GMDS: variants seen among roughly 807,000 people sequenced by gnomAD.
GMDS encodes GDP-mannose 4,6-dehydratase.
A neutral mutation model predicts 49.9 loss-of-function variants in GMDS; 20 were observed. The ratio of observed to expected loss-of-function variants is 0.40; its 90% CI spans 0.28 to 0.58. The LOEUF is 0.58. GMDS is among the 20% of genes least tolerant of loss of function. The pLI, the probability that GMDS is intolerant of heterozygous loss-of-function variation, is 0.42. For missense variants in GMDS, 362 were observed against 481.4 expected (o/e 0.75, Z 2.32); for synonymous variants, 177 against 178.6 (o/e 0.99, Z 0.07).
At chr6:1,691,379 C>T (rs1765167169) in intron 9 of GMDS, among the ~76,000 whole-genome samples, 1 of 152,036 alleles carries the variant, frequency 6.6e-6, no homozygotes, top group Non-Finnish European at 1.5e-5. Flanking sequence ...GGAGGGAGAG[C>T]ATCAGGAAAA....
chr6:1,754,919 C>G (rs1198497040), intron 7 of GMDS, among the ~76,000 whole-genome samples: 1 of 152,122 alleles, frequency 6.6e-6, no homozygotes, highest in Admixed American at 6.5e-5. Flanking sequence ...TATGACAAAC[C>G]CACAGCCAAT....
At chr6:1,881,510 A>C (rs1326859738) in intron 7 of GMDS, among the ~76,000 whole-genome samples, 1 of 152,238 alleles carries the variant, frequency 6.6e-6, no homozygotes, top group Non-Finnish European at 1.5e-5. Context: ...TAAATCTGTC[A>C]TGCAGCCTTG....
intron 9 of GMDS, among the ~76,000 whole-genome samples, chr6:1,719,408 C>T (rs929830326): frequency 6.6e-6 from 1 of 152,122 alleles, no homozygotes; most frequent in Non-Finnish European, 1.5e-5. Context: ...CTAGTGTCTG[C>T]AGAGCAACTG....
chr6:1,990,266 A>C (rs546823045), intron 4 of GMDS, among the ~76,000 whole-genome samples: 1 of 152,334 alleles, frequency 6.6e-6, no homozygotes, highest in South Asian at 2.1e-4. Flanking sequence ...ACTGCACTCC[A>C]GCCTGGGAGA....
intron 1 of GMDS, among the ~76,000 whole-genome samples, chr6:2,136,027 G>A (rs867268137): frequency 2.6e-5 from 4 of 152,084 alleles, no homozygotes; most frequent in Non-Finnish European, 5.9e-5. Flanking sequence ...TGGTGCCTAG[G>A]TTGCAACCTG....
In GMDS at chr6:2,025,239, T is replaced by C. The variant is rs188326902; in HGVS notation, c.346-64273A>G. On this transcript the variant is annotated intron_variant, in intron 4 of 10. Transcript: ENST00000380815. ...TTTTTATTTTTATTTTGTAAAGACA[T>C]CAAATTTGTTTCCATTTGTATTCAC... Among the ~76,000 whole-genome samples, 22 of 152,162 alleles carry C rather than the reference T, an allele frequency of 1.4e-4. No homozygotes were observed. In the East Asian group the frequency reaches 3.9e-3, roughly 27 times the overall value.
chr6:2,164,469 T>C (rs769040414), intron 1 of GMDS, among the ~76,000 whole-genome samples: 2 of 152,140 alleles, frequency 1.3e-5, no homozygotes, highest in Non-Finnish European at 2.9e-5. Context: ...GCCACTACAG[T>C]TTCCTTAGAC....
intron 1 of GMDS, among the ~76,000 whole-genome samples, chr6:2,203,449 A>G (rs1204607819): frequency 2.0e-5 from 3 of 152,166 alleles, no homozygotes; most frequent in East Asian, 1.9e-4. Flanking sequence ...GCAGGAAACC[A>G]GGGCATTTAT....
chr6:2,105,160 T>C (rs554101188), intron 4 of GMDS, among the ~76,000 whole-genome samples: 53 of 119,812 alleles, frequency 4.4e-4, no homozygotes, highest in South Asian at 2.5e-3. Flanking sequence ...CCAGCCTGGG[T>C]GACAGAGCGA....
intron 7 of GMDS, among the ~76,000 whole-genome samples, chr6:1,756,425 A>G (rs1767947838): frequency 6.6e-6 from 1 of 152,136 alleles, no homozygotes. Context: ...CACCACGTCC[A>G]GCTAATTTTT....
At chr6:1,682,986 C>T (rs1006680120) in intron 9 of GMDS, among the ~76,000 whole-genome samples, 13 of 152,208 alleles carry the variant, frequency 8.5e-5, no homozygotes, top group African/African-American at 3.1e-4. Flanking sequence ...ATATAAGACC[C>T]GTGGCTGGGT....
At chr6:2,103,455 T>C (rs1268180997) in intron 4 of GMDS, among the ~76,000 whole-genome samples, 1 of 152,156 alleles carries the variant, frequency 6.6e-6, no homozygotes, top group Non-Finnish European at 1.5e-5. Flanking sequence ...GATTAGTCTG[T>C]GGTACTAAAA....
intron 4 of GMDS, among the ~76,000 whole-genome samples, chr6:2,081,615 A>G (rs747324190): frequency 7.2e-5 from 11 of 152,128 alleles, no homozygotes; most frequent in Non-Finnish European, 1.2e-4. Flanking sequence ...CATTTTAGCA[A>G]TAAGATTAAC....
At chr6:2,113,082 C>A (rs1353303125) in intron 4 of GMDS, among the ~76,000 whole-genome samples, 2 of 152,196 alleles carry the variant, frequency 1.3e-5, no homozygotes, top group African/African-American at 2.4e-5. Flanking sequence ...GAATGTCCTT[C>A]AAGTAACGCC....
At chr6:1,991,852 C>T (rs1302835242) in intron 4 of GMDS, among the ~76,000 whole-genome samples, 1 of 152,168 alleles carries the variant, frequency 6.6e-6, no homozygotes, top group African/African-American at 2.4e-5. Flanking sequence ...ACACAGTCCA[C>T]CGTGACTGGT....
chr6:1,837,751 G>C (rs957675809), intron 7 of GMDS, among the ~76,000 whole-genome samples: 1 of 152,140 alleles, frequency 6.6e-6, no homozygotes, highest in African/African-American at 2.4e-5. Context: ...CTTCCTGCTG[G>C]GAGTTCCTTC....
At chr6:1,805,355 C>A (rs558448783) in intron 7 of GMDS, among the ~76,000 whole-genome samples, 8 of 152,242 alleles carry the variant, frequency 5.3e-5, no homozygotes, top group African/African-American at 1.4e-4. Context: ...TATTGACAGT[C>A]CCCCACATAC....
At chr6:1,991,839 G>A (rs1765960776) in intron 4 of GMDS, among the ~76,000 whole-genome samples, 1 of 152,222 alleles carries the variant, frequency 6.6e-6, no homozygotes, top group Non-Finnish European at 1.5e-5. Flanking sequence ...GGGTAGGGTT[G>A]GCACACAGTC....
intron 6 of GMDS, among the ~76,000 whole-genome samples, chr6:1,935,028 T>G (rs1192408144): frequency 6.6e-6 from 1 of 152,254 alleles, no homozygotes; most frequent in African/African-American, 2.4e-5. Flanking sequence ...CCTAAGTGTT[T>G]GTGAATTATT....
Sources: allele counts gnomAD v4.1 joint callset (sites outside exome capture counted in the v4.1 genomes callset), GRCh38; gene constraint gnomAD v4.1.1; transcripts MANE v1.5; gene names NCBI Gene and HGNC (gene_info 2026-07-23, HGNC 2026-07-21).